Variants in LRRC20 observed in about 807,000 individuals in gnomAD.
LRRC20 encodes leucine rich repeat containing 20, also known as leucine-rich repeat-containing protein 20.
Under a neutral mutation model 14.4 loss-of-function variants are expected in LRRC20, and 11 were observed. That is an observed-to-expected ratio of 0.77 (90% confidence interval 0.48 to 1.27). LRRC20 has a LOEUF of 1.27. LRRC20 is among the 50% of genes most tolerant of loss of function. The probability of loss-of-function intolerance (pLI) is 0.00; values close to 1 mark genes in which losing one functional copy is unlikely to be tolerated. For missense variants in LRRC20, 219 were observed against 251.2 expected (o/e 0.87, Z 0.87); for synonymous variants, 121 against 107.3 (o/e 1.13, Z -0.79).
At position 70,358,942 on chromosome 10, in the gene LRRC20, G is replaced by A. The variant is rs558325607; in HGVS notation, c.82+17510C>T. On this transcript the variant is annotated intron_variant, in intron 2 of 4. Transcript: ENST00000446961. ...ACATAGTTACACCCCTCACCATCGG[G>A]AAGCTTGGTCTCAGCATCCCACTTT... is the stretch of plus-strand genomic sequence containing the variant. 1.1e-4 allele frequency among the ~76,000 whole-genome samples: 16 copies of A among 152,300 alleles called. No homozygotes were observed. In the South Asian group the frequency reaches 2.1e-3, roughly 20 times the overall value.
intron 2 of LRRC20, among the ~76,000 whole-genome samples, chr10:70,345,149 T>C (rs747822353): frequency 2.0e-5 from 3 of 151,736 alleles, no homozygotes; most frequent in Admixed American, 6.6e-5. Context: ...AAATGGAAAA[T>C]AGATCATAGA....
chr10:70,348,576 G>A (rs1027882900), intron 2 of LRRC20, among the ~76,000 whole-genome samples: 13 of 152,200 alleles, frequency 8.5e-5, no homozygotes, highest in African/African-American at 2.9e-4. Flanking sequence ...GTGAGGACGG[G>A]GAGATTTGGA....
At chr10:70,378,532 A>C (rs906275049) in intron 1 of LRRC20, among the ~76,000 whole-genome samples, 6 of 151,814 alleles carry the variant, frequency 4.0e-5, no homozygotes, top group African/African-American at 1.5e-4. Flanking sequence ...CACACCTGTA[A>C]TCCCAGCACT....
At position 70,316,981 on chromosome 10, in the gene LRRC20, C is replaced by T. The variant is rs1176212829; in HGVS notation, c.400+6882G>A. Among the ~76,000 whole-genome samples, 13 of 152,342 alleles carry T rather than the reference C, an allele frequency of 8.5e-5. No individual in the cohort carries two copies. The South Asian group carries it at 1.0e-3, about 12-fold the overall frequency. On this transcript the variant is annotated intron_variant, in intron 4 of 4. Coordinates refer to ENST00000446961, the MANE Select transcript of LRRC20 (RefSeq NM_001278212.2). ...CTGTCATGGGACTTGTGACACTCAG[C>T]GCATAGAGGTCAGGGCAAGGGTCAG...
In LRRC20 at chr10:70,301,399, A is replaced by G; in HGVS notation, c.510T>C (p.Phe170=). 6.2e-7 allele frequency: 1 copy of G among 1,613,998 alleles called. No individual in the cohort carries two copies. The highest frequency in any genetic ancestry group is 2.2e-5 in the East Asian group (1 of 44,884). The part of the protein sequence containing the change: ...VRVIAPPLIK[F]DMLMSPEGAR... ...CGCCTTCCGGAGACATGAGCATGTCAAACTTGATGAGCGGCGGGGCGATCA... is the reference window on the plus strand; with the variant it reads ...CGCCTTCCGGAGACATGAGCATGTCGAACTTGATGAGCGGCGGGGCGATCA... Residue 170 remains phenylalanine, a synonymous_variant, in exon 5 of 5, where the codon TTT becomes TTC. Coordinates refer to ENST00000446961, the MANE Select transcript of LRRC20 (RefSeq NM_001278212.2).
rs545247016 is a variant in LRRC20, at chr10:70,360,077, G to T, written c.82+16375C>A. Among the ~76,000 whole-genome samples, 5 of 151,724 alleles carry T rather than the reference G, an allele frequency of 3.3e-5. No individual in the cohort carries two copies. The Middle Eastern group carries it at 0.017, about 523-fold the overall frequency. ...ATTACAGGTGCCCACCACCACACCC[G>T]GCTAATTTTTGTATTTTTAGTAGAG... On this transcript the variant is annotated intron_variant, in intron 2 of 4. Coordinates refer to ENST00000446961, the MANE Select transcript of LRRC20 (RefSeq NM_001278212.2).
intron 3 of LRRC20, among the ~76,000 whole-genome samples, chr10:70,337,299 G>T (rs1696382645): frequency 6.6e-6 from 1 of 152,192 alleles, no homozygotes; most frequent in Non-Finnish European, 1.5e-5. Context: ...CACAACAAAG[G>T]CTCAGGCCCA....
chr10:70,359,054 C>T (rs1167045711), intron 2 of LRRC20, among the ~76,000 whole-genome samples: 1 of 152,178 alleles, frequency 6.6e-6, no homozygotes, highest in Non-Finnish European at 1.5e-5. Context: ...AAGCAAGAAA[C>T]ACACTAGTCT....
At chr10:70,364,178 C>T (rs1344432621) in intron 2 of LRRC20, among the ~76,000 whole-genome samples, 2 of 152,184 alleles carry the variant, frequency 1.3e-5, no homozygotes, top group Non-Finnish European at 2.9e-5. Flanking sequence ...GCAAAACACA[C>T]TCCCCTCACC....
chr10:70,380,421 G>A (rs904102450), intron 1 of LRRC20, among the ~76,000 whole-genome samples: 7 of 152,226 alleles, frequency 4.6e-5, no homozygotes, highest in African/African-American at 1.7e-4. Context: ...AGGAAGAATT[G>A]TTTCATGAAG....
chr10:70,302,028 G>A (rs568310232), intron 4 of LRRC20, among the ~76,000 whole-genome samples: 1 of 152,242 alleles, frequency 6.6e-6, no homozygotes, highest in South Asian at 2.1e-4. Context: ...AAAACATTGT[G>A]CTAGGCCAGT....
At chr10:70,339,867 T>A (rs2137015187) in intron 3 of LRRC20, among the ~76,000 whole-genome samples, 1 of 152,134 alleles carries the variant, frequency 6.6e-6, no homozygotes, top group African/African-American at 2.4e-5. Context: ...ATACCTGTAA[T>A]CCCAGCGCTT....
At chr10:70,381,289 A>G (rs117372462) in intron 1 of LRRC20, among the ~76,000 whole-genome samples, 1 of 152,366 alleles carries the variant, frequency 6.6e-6, no homozygotes, top group East Asian at 1.9e-4. Context: ...CATTACCAGT[A>G]GGTAATCAAA....
intron 2 of LRRC20, among the ~76,000 whole-genome samples, chr10:70,365,048 T>C (rs541239756): frequency 7.2e-6 from 1 of 138,602 alleles, no homozygotes; most frequent in East Asian, 2.2e-4. Flanking sequence ...CTCTCTGAGA[T>C]TCAACTTTTT....
chr10:70,301,560 A>G lies in LRRC20; in HGVS notation c.401-52T>C, dbSNP rs193283592. On this transcript the variant is annotated intron_variant, in intron 4 of 4. Coordinates refer to ENST00000446961, the MANE Select transcript of LRRC20 (RefSeq NM_001278212.2). ...GAGTGGTGGAGGCCAACCAGACAGA[A>G]AAGAAGGACAATGGGCCATGAGGAC... 2.7e-4 allele frequency: 436 copies of G among 1,591,688 alleles called. 1 individual carries two copies. In the African/African-American group the frequency reaches 4.7e-3, roughly 17 times the overall value.
chr10:70,316,846 G>A (rs1261680489), intron 4 of LRRC20, among the ~76,000 whole-genome samples: 1 of 152,242 alleles, frequency 6.6e-6, no homozygotes, highest in African/African-American at 2.4e-5. Flanking sequence ...TCAATGCCTG[G>A]TGAGCACAAC....
intron 2 of LRRC20, among the ~76,000 whole-genome samples, chr10:70,359,521 A>G (rs1352866898): frequency 6.6e-6 from 1 of 152,178 alleles, no homozygotes; most frequent in Non-Finnish European, 1.5e-5. Context: ...AGCCTGGGTA[A>G]CAGAGTGAGA....
intron 2 of LRRC20, among the ~76,000 whole-genome samples, chr10:70,358,145 T>C (rs977276536): frequency 1.3e-5 from 2 of 152,218 alleles, no homozygotes; most frequent in Non-Finnish European, 2.9e-5. Context: ...TTTAACCCAG[T>C]GTCTTTGGGC....
chr10:70,299,318 G>C lies in LRRC20; in HGVS notation c.*2036C>G, dbSNP rs951330791. The C allele has an allele frequency of 4.6e-5, 7 of 152,312 alleles. No homozygotes were observed. The highest frequency in any genetic ancestry group is 1.0e-4 in the Non-Finnish European group (7 of 68,122). The allele number at this position is 152,312 out of a possible 1,614,324, so 9.4% of individuals were successfully genotyped here. A position where few individuals can be genotyped will look rare whatever the true frequency, so the allele number is the denominator to read the frequency against. On this transcript the variant is annotated 3_prime_UTR_variant, in exon 5 of 5. Transcript: ENST00000446961. Reference sequence around the variant, plus strand: ...ACAGGCCAAGTGTCTCCCAGGGTGGGTTAGGGAGGAGGCTGAGCACAGGCT... The same window carrying C: ...ACAGGCCAAGTGTCTCCCAGGGTGGCTTAGGGAGGAGGCTGAGCACAGGCT...
Sources: gnomAD v4.1 joint callset for allele counts (sites outside exome capture counted in the v4.1 genomes callset) on GRCh38, gnomAD v4.1.1 for gene constraint, MANE v1.5 for transcripts, NCBI Gene and HGNC (gene_info 2026-07-23, HGNC 2026-07-21) for gene names.